The following KCTD19 variants were observed in gnomAD, a reference collection of about 807,000 sequenced individuals.
KCTD19 encodes potassium channel tetramerization domain containing 19.
Under a neutral mutation model 103.5 loss-of-function variants are expected in KCTD19, and 67 were observed. The observed-to-expected ratio is 0.65, with a 90% CI of 0.53 to 0.79. The LOEUF (loss-of-function observed/expected upper bound fraction) is 0.79, where lower values mean the gene tolerates loss of function less well. Among genes scored for constraint, KCTD19 ranks in the 30% least tolerant of loss-of-function variants. KCTD19 has a pLI of 0.00. For missense variants in KCTD19, 980 were observed against 1,136.1 expected, an observed-to-expected ratio of 0.86 and a Z score of 1.98; for synonymous variants, 439 against 452.2, an observed-to-expected ratio of 0.97 and a Z score of 0.37.
intron 8 of KCTD19, 67 bp downstream of exon 8, chr16:67,296,092 G>T: frequency 3.2e-6 from 3 of 928,606 alleles, no homozygotes; most frequent in South Asian, 1.3e-5. Flanking sequence ...AGGGCCAGGT[G>T]ATGGCCCCCA....
intron 10 of KCTD19, 119 bp from the exon 11 acceptor site, chr16:67,294,813 T>C: frequency 2.1e-6 from 2 of 942,650 alleles, no homozygotes; most frequent in South Asian, 1.5e-5. Flanking sequence ...GAAGGGGCTC[T>C]TAAAGGGTTT....
In KCTD19 at chr16:67,293,659, T is replaced by G. The variant is rs2036726557; in HGVS notation, c.2103A>C (p.Ala701=). The change falls in exon 12 of 16, where the codon GCA becomes GCC. Residue 701 remains alanine, a synonymous_variant. Transcript: ENST00000304372. The surrounding 1 kb of genome is among the most constrained non-coding windows in gnomAD (Gnocchi z 4.0). ...TASEKDPGPQ[A]GAGAGAKDKG... is the part of the protein sequence containing the mutation. Reference sequence around the variant, plus strand: ...TGTCTTTCGCTCCAGCTCCAGCCCCTGCCTGTGGTCCTGGATCCTTCTCTG... The same window carrying G: ...TGTCTTTCGCTCCAGCTCCAGCCCCGGCCTGTGGTCCTGGATCCTTCTCTG... 6.2e-7 allele frequency: 1 copy of G among 1,613,572 alleles called. No homozygotes were observed. The highest frequency in any genetic ancestry group is 2.2e-5 in the East Asian group (1 of 44,846).
Position 67,293,601 on chromosome 16 carries a change from G to C in KCTD19, c.2161C>G (p.Pro721Ala). 1.2e-6 allele frequency: 2 copies of C among 1,613,654 alleles called. No homozygotes were observed. Among genetic ancestry groups the C allele is most frequent in the African/African-American group, 1.3e-5 (1 of 74,978 alleles). ...GPEPTFKPYL[P>A]PKRAGTLKDW... ...TTCAGGGTGCCAGCTCTTTTTGGGG[G>C]TAAGTATGGCTTGAAGGTTGGCTCT... The change falls in exon 12 of 16, where the codon CCC becomes GCC. Residue 721 changes from proline to alanine, a missense_variant. Physicochemically the swap from Pro to Ala is conservative, Grantham distance 27. Transcript: ENST00000304372. The surrounding 1 kb of genome is among the most constrained non-coding windows in gnomAD (Gnocchi z 4.0).
chr16:67,322,953 G>C (rs1294561139), intron 1 of KCTD19, among the ~76,000 whole-genome samples: 1 of 152,134 alleles, frequency 6.6e-6, no homozygotes, highest in South Asian at 2.1e-4. Flanking sequence ...AACGAAAAAA[G>C]ATGCTCAACA....
At chr16:67,291,528 A>G in intron 13 of KCTD19, 65 bp from the exon 14 acceptor site, 1 of 1,578,150 alleles carries the variant, frequency 6.3e-7, no homozygotes, top group Non-Finnish European at 8.6e-7. Flanking sequence ...AGACAGTGTG[A>G]GGAGGGGGAG....
At chr16:67,319,359 G>T (rs970593050) in intron 2 of KCTD19, among the ~76,000 whole-genome samples, 2 of 151,986 alleles carry the variant, frequency 1.3e-5, no homozygotes, top group South Asian at 4.1e-4. Context: ...GCCCAGATAC[G>T]CATGATCTAT....
At chr16:67,321,032 G>T in intron 1 of KCTD19, 147 bp from the exon 2 acceptor site, 1 of 775,856 alleles carries the variant, frequency 1.3e-6, no homozygotes, top group Non-Finnish European at 2.0e-6. Context: ...AAAACTATTA[G>T]AAATAAGTCC....
intron 11 of KCTD19, 114 bp from the exon 12 acceptor site, chr16:67,294,285 C>T: frequency 8.6e-7 from 1 of 1,158,284 alleles, no homozygotes; most frequent in South Asian, 1.5e-5. Context: ...CTGAACAATC[C>T]CATCCCTGAC....
Position 67,313,074 on chromosome 16 carries a change from G to A in KCTD19, c.300+7515C>T, listed in dbSNP as rs1007418561. On this transcript the variant is annotated intron_variant, in intron 2 of 15. Transcript: ENST00000304372. ...CACATAAACAAATGAGCATAGCTGT[G>A]TTCCAGTAAAACTTTATCAATGGCA... Among the ~76,000 whole-genome samples the A allele has an allele frequency of 2.6e-5, 4 of 151,916 alleles. No individual in the cohort carries two copies. The East Asian group carries it at 7.7e-4, about 29-fold the overall frequency.
intron 2 of KCTD19, among the ~76,000 whole-genome samples, chr16:67,316,898 G>A (rs886370413): frequency 2.0e-5 from 3 of 152,142 alleles, no homozygotes; most frequent in African/African-American, 7.2e-5. Context: ...GAGCAGCAGC[G>A]TGAGCCTGGG....
intron 2 of KCTD19, among the ~76,000 whole-genome samples, chr16:67,314,828 T>TAG (rs1277866690): frequency 2.1e-3 from 106 of 50,360 alleles, no homozygotes; most frequent in Admixed American, 2.8e-3. Flanking sequence ...TATATATATA[T>TAG]ATAGAGAGAG....
At chr16:67,294,779 G>T in intron 10 of KCTD19, 85 bp from the exon 11 acceptor site, 1 of 1,083,262 alleles carries the variant, frequency 9.2e-7, no homozygotes, top group Non-Finnish European at 1.4e-6. Flanking sequence ...CTTTGGCTGG[G>T]AGTTAATGCT....
chr16:67,292,555 A>G (rs1193586713), intron 12 of KCTD19, among the ~76,000 whole-genome samples: 2 of 152,182 alleles, frequency 1.3e-5, no homozygotes, highest in African/African-American at 4.8e-5. Flanking sequence ...TGTCATCCCA[A>G]CCTTGACAGA....
chr16:67,293,417 CAG>C lies in KCTD19; in HGVS notation c.2218+125_2218+126del. The C allele has an allele frequency of 9.6e-7, 1 of 1,043,194 alleles. No individual in the cohort carries two copies. Among genetic ancestry groups the C allele is most frequent in the Non-Finnish European group, 1.4e-6 (1 of 708,736 alleles). The allele number at this position is 1,043,194 out of a possible 1,614,324, so 64.6% of individuals were successfully genotyped here. Reference sequence around the variant, plus strand: ...TCATTTCTGTGTCTGCTGCCTGGCACAGAGATGGCATTGGTGAGCGGGGGGGT... The same window carrying C: ...TCATTTCTGTGTCTGCTGCCTGGCACAGATGGCATTGGTGAGCGGGGGGGT... On this transcript the variant is annotated intron_variant, in intron 12 of 15. Transcript: ENST00000304372. This position sits in a 1 kb window ranked among gnomAD's most constrained non-coding sequence, Gnocchi z 4.0.
intron 1 of KCTD19, among the ~76,000 whole-genome samples, chr16:67,324,796 C>T (rs944297477): frequency 1.3e-5 from 2 of 152,098 alleles, no homozygotes; most frequent in African/African-American, 2.4e-5. Flanking sequence ...ATTATATATG[C>T]CACATTTGAG....
chr16:67,291,191 CCTT>C (rs1396502353), intron 14 of KCTD19, 115 bp downstream of exon 14: 3 of 1,314,402 alleles, frequency 2.3e-6, no homozygotes, highest in Non-Finnish European at 2.1e-6. Flanking sequence ...CTGGCCCTGG[CCTT>C]CTCCTTAACC....
At chr16:67,297,785 A>C in intron 6 of KCTD19, 122 bp from the exon 7 acceptor site, 1 of 883,934 alleles carries the variant, frequency 1.1e-6, no homozygotes, top group Non-Finnish European at 1.7e-6. Context: ...GGCATCATTA[A>C]CATCGTTTCC....
In KCTD19 at chr16:67,303,339, T is replaced by C. The variant is rs1418995195; in HGVS notation, c.452-2A>G. 4.4e-6 allele frequency: 7 copies of C among 1,606,070 alleles called. No homozygotes were observed. The highest frequency in any genetic ancestry group is 5.1e-6 in the Non-Finnish European group (6 of 1,175,338). On this transcript the variant is annotated splice_acceptor_variant, in intron 3 of 15. Coordinates refer to ENST00000304372, the MANE Select transcript of KCTD19 (RefSeq NM_001100915.3). LOFTEE classifies it high-confidence loss of function. This position sits in a 1 kb window ranked among gnomAD's most constrained non-coding sequence, Gnocchi z 4.3. ...CCAGAGGTGCCTTATCATGTAGGCC[T>C]GGAAGAGAACATGCAGGCAGTGTTG...
At chr16:67,310,489 C>T (rs572042265) in intron 2 of KCTD19, among the ~76,000 whole-genome samples, 19 of 152,262 alleles carry the variant, frequency 1.2e-4, no homozygotes, top group Admixed American at 1.2e-3. Context: ...TTACTTTTCA[C>T]ATGTTACGAC....
Sources: allele counts gnomAD v4.1 joint callset (sites outside exome capture counted in the v4.1 genomes callset), GRCh38; gene constraint gnomAD v4.1.1; non-coding constraint Gnocchi (gnomAD v3.1); transcripts MANE v1.5; gene names NCBI Gene and HGNC (gene_info 2026-07-23, HGNC 2026-07-21).